The following DSCAML1 variants were observed in gnomAD, a reference collection of about 807,000 sequenced individuals.
The protein encoded by DSCAML1 is cell adhesion molecule DSCAML1.
DSCAML1 carries 38 observed loss-of-function variants against 200.5 expected under a neutral mutation model. The observed-to-expected ratio is 0.19, with a 90% CI of 0.15 to 0.25. The LOEUF is 0.25. Among genes scored for constraint, DSCAML1 ranks in the 10% least tolerant of loss-of-function variants. The probability of loss-of-function intolerance (pLI) is 1.00; values close to 1 mark genes in which losing one functional copy is unlikely to be tolerated. For synonymous variants in DSCAML1, 1,215 were observed against 1,165.0 expected (o/e 1.04, Z -0.87); for missense variants, 2,223 against 2,858.8 (o/e 0.78, Z 5.07).
intron 15 of DSCAML1, 110 bp downstream of exon 15, chr11:117,471,759 C>T (rs576340804): frequency 2.0e-5 from 25 of 1,276,414 alleles, no homozygotes; most frequent in African/African-American, 3.0e-5. Flanking sequence ...CTTTTCCCCA[C>T]GCCACCCCCT....
intron 3 of DSCAML1, among the ~76,000 whole-genome samples, chr11:117,651,906 T>C (rs1447527158): frequency 6.6e-6 from 1 of 152,150 alleles, no homozygotes; most frequent in East Asian, 1.9e-4. Context: ...TGACAATGCC[T>C]ACTCTGCAAG....
intron 3 of DSCAML1, among the ~76,000 whole-genome samples, chr11:117,713,933 G>A (rs1321303234): frequency 2.0e-5 from 3 of 152,188 alleles, no homozygotes; most frequent in South Asian, 2.1e-4. Context: ...AGAGCAGCAC[G>A]GCACTGGTTA....
intron 3 of DSCAML1, among the ~76,000 whole-genome samples, chr11:117,695,304 TCTTTC>T (rs2053567881): frequency 6.7e-6 from 1 of 148,816 alleles, no homozygotes; most frequent in South Asian, 2.1e-4. Context: ...TTCTTTTCTT[TCTTTC>T]TTTTTCTTTT....
rs1555032678 is a variant in DSCAML1 at position 117,780,231 on chromosome 11, G to GA, written c.364+261_364+262insT. 0.026 allele frequency among the ~76,000 whole-genome samples: 1,589 copies of GA among 60,652 alleles called. 74 individuals are homozygous for GA. Among genetic ancestry groups the GA allele is most frequent in the Middle Eastern group, 0.036 (5 of 138 alleles). 39.8% of individuals were successfully genotyped at this position (60,652 alleles called of 152,430 possible). A position where few individuals can be genotyped will look rare whatever the true frequency, so the allele number is the denominator to read the frequency against. ...AAAGAGAGAGAGAGAAAGAAAGAAAGGAAAGAAAGAAAGAAAGAAAGAAAG... is the reference window on the plus strand; with the variant it reads ...AAAGAGAGAGAGAGAAAGAAAGAAAGAGAAAGAAAGAAAGAAAGAAAGAAAG... On this transcript the variant is annotated intron_variant, in intron 2 of 32. Transcript: ENST00000651296. The surrounding 1 kb of genome is among the most constrained non-coding windows in gnomAD (Gnocchi z 4.8).
chr11:117,797,239 C>G (rs972924102), upstream of DSCAML1: 2 of 1,450,234 alleles, frequency 1.4e-6, no homozygotes, highest in African/African-American at 3.0e-5. Flanking sequence ...CCTCCCTCCT[C>G]GGCTCCCCGG....
intron 14 of DSCAML1, among the ~76,000 whole-genome samples, chr11:117,479,524 C>T (rs568284988): frequency 3.3e-5 from 5 of 152,354 alleles, no homozygotes; most frequent in East Asian, 1.9e-4. Context: ...TTCCTGCCAC[C>T]TGACCATGGG....
chr11:117,788,533 G>T (rs2055404609), intron 1 of DSCAML1, among the ~76,000 whole-genome samples: 1 of 152,128 alleles, frequency 6.6e-6, no homozygotes, highest in Admixed American at 6.5e-5. Flanking sequence ...CGCCATGTTG[G>T]CCAAGCTGGT....
intron 12 of DSCAML1, among the ~76,000 whole-genome samples, chr11:117,481,740 C>T (rs899414088): frequency 2.6e-5 from 4 of 151,908 alleles, no homozygotes; most frequent in Non-Finnish European, 2.9e-5. Flanking sequence ...GAAGAAACCA[C>T]ATTTGATTGC....
At chr11:117,707,565 C>T (rs376838894) in intron 3 of DSCAML1, among the ~76,000 whole-genome samples, 3 of 151,992 alleles carry the variant, frequency 2.0e-5, no homozygotes, top group Admixed American at 6.6e-5. Flanking sequence ...GATGGAGTCT[C>T]GCTTTGTCTC....
chr11:117,450,481 C>T (rs1786159206), intron 20 of DSCAML1, 68 bp downstream of exon 20: 5 of 1,559,774 alleles, frequency 3.2e-6, no homozygotes, highest in South Asian at 2.5e-5. Context: ...GCCTGGAAGC[C>T]GGCTGATGTA....
rs187159817 is a variant in DSCAML1, at chr11:117,747,025, T to A, written c.511+29766A>T. 2.0e-5 allele frequency among the ~76,000 whole-genome samples: 3 copies of A among 152,110 alleles called. No homozygotes were observed. The East Asian group carries it at 5.8e-4, about 29-fold the overall frequency. ...CCTCCATAAGTGGTAGATGAATGAA[T>A]GAAGAATGAATCCAGTCTACCAAGA... On this transcript the variant is annotated intron_variant, in intron 3 of 32. Coordinates refer to ENST00000651296, the MANE Select transcript of DSCAML1 (RefSeq NM_020693.4).
At position 117,629,790 on chromosome 11, in the gene DSCAML1, G is replaced by A. The variant is rs185297730; in HGVS notation, c.512-97268C>T. Reference sequence around the variant, plus strand: ...GGTGGAAGGAGTGTGTAAGGCCAGGGGTTTGAGACCAGGCTGGGCAATAGA... The same window carrying A: ...GGTGGAAGGAGTGTGTAAGGCCAGGAGTTTGAGACCAGGCTGGGCAATAGA... On this transcript the variant is annotated intron_variant, in intron 3 of 32. Transcript: ENST00000651296. Among the ~76,000 whole-genome samples, 19 of 152,218 alleles carry A rather than the reference G, an allele frequency of 1.2e-4. No individual in the cohort carries two copies. The East Asian group carries it at 3.7e-3, about 29-fold the overall frequency.
intron 1 of DSCAML1, among the ~76,000 whole-genome samples, chr11:117,815,836 C>T (rs1217912554): frequency 6.6e-6 from 1 of 150,738 alleles, no homozygotes; most frequent in African/African-American, 2.4e-5. Flanking sequence ...CCTGGTCTCC[C>T]GCCCTGCCAG....
intron 1 of DSCAML1, among the ~76,000 whole-genome samples, chr11:117,808,883 C>T (rs2055731752): frequency 6.6e-6 from 1 of 152,324 alleles, no homozygotes; most frequent in African/African-American, 2.4e-5. Flanking sequence ...CACATGATCT[C>T]GTTCAATCTC....
chr11:117,514,729 T>C (rs574307634), intron 8 of DSCAML1, among the ~76,000 whole-genome samples: 1 of 152,260 alleles, frequency 6.6e-6, no homozygotes, highest in African/African-American at 2.4e-5. Context: ...ATTACAGGCA[T>C]GTGCCACCAC....
At chr11:117,744,552 G>A (rs1178983878) in intron 3 of DSCAML1, among the ~76,000 whole-genome samples, 2 of 152,226 alleles carry the variant, frequency 1.3e-5, no homozygotes, top group East Asian at 1.9e-4. Flanking sequence ...GACTTTAGCG[G>A]TCCCTAGCTT....
intron 3 of DSCAML1, among the ~76,000 whole-genome samples, chr11:117,735,522 G>C (rs1172862028): frequency 6.6e-6 from 1 of 152,104 alleles, no homozygotes; most frequent in Admixed American, 6.6e-5. Context: ...TCTACAAGAG[G>C]AGGACAATAA....
At chr11:117,589,466 A>C (rs904996527) in intron 3 of DSCAML1, among the ~76,000 whole-genome samples, 3 of 152,218 alleles carry the variant, frequency 2.0e-5, no homozygotes, top group Admixed American at 2.0e-4. Context: ...GCAGTAGGCA[A>C]ATTAATTCTA....
intron 31 of DSCAML1, 23 bp from the exon 32 acceptor site, chr11:117,431,056 G>C (rs549248069): frequency 6.3e-7 from 1 of 1,591,396 alleles, no homozygotes; most frequent in African/African-American, 1.3e-5. Flanking sequence ...GAGGAAAGGG[G>C]TGGGTTACGG....
Sources: allele counts gnomAD v4.1 joint callset (sites outside exome capture counted in the v4.1 genomes callset), GRCh38; gene constraint gnomAD v4.1.1; non-coding constraint Gnocchi (gnomAD v3.1); transcripts MANE v1.5; gene names NCBI Gene and HGNC (gene_info 2026-07-23, HGNC 2026-07-21).